TEKTL1: variants seen among roughly 807,000 people sequenced by gnomAD.
The protein encoded by TEKTL1 is tektin like 1.
At chr19:15,011,423 A>C in the TEKTL1 span, 1 of 1,400,996 alleles carries the variant, frequency 7.1e-7, no homozygotes, top group Non-Finnish European at 9.3e-7. Context: ...GCCCAACCCC[A>C]GCCTAACTGC....
chr19:15,020,594 C>T, the TEKTL1 span: 4 of 1,614,078 alleles, frequency 2.5e-6, no homozygotes, highest in East Asian at 6.7e-5. Context: ...CTCTCCCGAG[C>T]CCCCACTCCA....
chr19:15,019,824 CA>C, the TEKTL1 span, among the ~76,000 whole-genome samples: 2 of 151,364 alleles, frequency 1.3e-5, no homozygotes, highest in Non-Finnish European at 2.9e-5. Flanking sequence ...CCTGTCTTTA[CA>C]AAAAAATAAA....
At chr19:15,021,731 C>T in the TEKTL1 span, 2 of 1,613,008 alleles carry the variant, frequency 1.2e-6, no homozygotes, top group South Asian at 1.1e-5. Context: ...GGGGTGAGAG[C>T]CTTCGGGGGT....
chr19:15,010,822 G>A, the TEKTL1 span: 4 of 1,531,662 alleles, frequency 2.6e-6, no homozygotes, highest in South Asian at 3.7e-5. Flanking sequence ...ACCAAGCAGG[G>A]ACCATGCGCG....
chr19:15,011,140 G>C, the TEKTL1 span: 2 of 1,521,978 alleles, frequency 1.3e-6, no homozygotes, highest in African/African-American at 1.4e-5. Flanking sequence ...CGCCCGCCTG[G>C]TACGCCCGCC....
chr19:15,018,732 A>ATT, the TEKTL1 span, among the ~76,000 whole-genome samples: 5,158 of 78,640 alleles, frequency 0.066, 1,133 homozygotes, highest in African/African-American at 0.16. Context: ...ATATATATAT[A>ATT]ACTTCCCTGG....
At chr19:15,011,810 C>T in the TEKTL1 span, among the ~76,000 whole-genome samples, 1 of 151,734 alleles carries the variant, frequency 6.6e-6, no homozygotes, top group Admixed American at 6.6e-5. Context: ...AGATGAGGGC[C>T]AGATGCAGTA....
chr19:15,011,101 C>T, the TEKTL1 span: 3 of 1,565,436 alleles, frequency 1.9e-6, no homozygotes, highest in Non-Finnish European at 2.6e-6. Flanking sequence ...CAGGCGAGGG[C>T]GTCACGCTGT....
At chr19:15,014,731 C>CGGGGGGGGGGGGGGG in the TEKTL1 span, among the ~76,000 whole-genome samples, 3 of 11,778 alleles carry the variant, frequency 2.5e-4, no homozygotes, top group Admixed American at 1.0e-3. Context: ...AGTGGGGGGG[C>CGGGGGGGGGGGGGGG]GGGGGGCGGG....
chr19:15,017,466 G>T, the TEKTL1 span, among the ~76,000 whole-genome samples: 5 of 152,172 alleles, frequency 3.3e-5, no homozygotes, highest in African/African-American at 1.2e-4. Context: ...TGTGGAGGAA[G>T]TAAGATTTCG....
At chr19:15,016,630 C>T in the TEKTL1 span, among the ~76,000 whole-genome samples, 35,645 of 152,068 alleles carry the variant, frequency 0.23, 4,514 homozygotes, top group Non-Finnish European at 0.29. Flanking sequence ...CCAAAGATAC[C>T]ATATTCAGAG....
At chr19:15,021,962 A>G in the TEKTL1 span, 1 of 1,457,582 alleles carries the variant, frequency 6.9e-7, no homozygotes, top group South Asian at 1.2e-5. Flanking sequence ...AGCCCCGCCA[A>G]TGGTAAGGCT....
chr19:15,011,266 T>C, the TEKTL1 span: 2 of 1,518,122 alleles, frequency 1.3e-6, no homozygotes, highest in Non-Finnish European at 1.8e-6. Context: ...AGCACCAGAT[T>C]AACGGGCGGG....
the TEKTL1 span, chr19:15,011,061 A>C: frequency 6.3e-7 from 1 of 1,577,530 alleles, no homozygotes; most frequent in Non-Finnish European, 8.6e-7. Flanking sequence ...GAGATGATCA[A>C]AGGCGGCGGC....
At chr19:15,022,361 C>T in the TEKTL1 span, among the ~76,000 whole-genome samples, 1 of 152,120 alleles carries the variant, frequency 6.6e-6, no homozygotes, top group South Asian at 2.1e-4. Flanking sequence ...CAGACTCTCG[C>T]TCTGTCGCCC....
the TEKTL1 span, among the ~76,000 whole-genome samples, chr19:15,016,074 G>A: frequency 1.3e-5 from 2 of 152,080 alleles, no homozygotes; most frequent in Non-Finnish European, 2.9e-5. Flanking sequence ...TTGACTGGGG[G>A]GTGGGGAGGA....
chr19:15,012,986 C>T, the TEKTL1 span, among the ~76,000 whole-genome samples: 1 of 152,078 alleles, frequency 6.6e-6, no homozygotes, highest in African/African-American at 2.4e-5. Context: ...TGAAAATCTC[C>T]ACCCCCAGGC....
chr19:15,011,804 G>A, the TEKTL1 span, among the ~76,000 whole-genome samples: 1 of 151,766 alleles, frequency 6.6e-6, no homozygotes, highest in Admixed American at 6.6e-5. Flanking sequence ...ACAAGAAGAT[G>A]AGGGCCAGAT....
chr19:15,019,943 T>G, the TEKTL1 span, among the ~76,000 whole-genome samples: 2 of 147,476 alleles, frequency 1.4e-5, no homozygotes, highest in African/African-American at 5.0e-5. Flanking sequence ...CTACAACCTG[T>G]GCAACATGTG....
Sources: gnomAD v4.1 joint callset for allele counts (sites outside exome capture counted in the v4.1 genomes callset) on GRCh38, gnomAD v4.1.1 for gene constraint, MANE v1.5 for transcripts, NCBI Gene and HGNC (gene_info 2026-07-23, HGNC 2026-07-21) for gene names.